Variants in SGPP2 observed in about 807,000 individuals in gnomAD.
SGPP2 encodes sphingosine 1-phosphate phosphohydrolase 2.
A neutral mutation model predicts 33.9 loss-of-function variants in SGPP2; 30 were observed. The ratio of observed to expected loss-of-function variants is 0.89; its 90% CI spans 0.66 to 1.20. The LOEUF is 1.20. Ranked by LOEUF, SGPP2 falls within the 50% of genes most tolerant of loss-of-function variation. SGPP2 has a pLI of 0.00. For synonymous variants in SGPP2, 233 were observed against 225.0 expected (o/e 1.04, Z -0.32); for missense variants, 458 against 532.1 (o/e 0.86, Z 1.37).
intron 4 of SGPP2, among the ~76,000 whole-genome samples, chr2:222,556,416 CT>C (rs1447212305): frequency 6.6e-6 from 1 of 151,330 alleles, no homozygotes; most frequent in Admixed American, 6.6e-5. Context: ...TCAACTCTTC[CT>C]CTGAAAGGCA....
intron 4 of SGPP2, among the ~76,000 whole-genome samples, chr2:222,540,090 T>G (rs566674579): frequency 6.6e-6 from 1 of 152,236 alleles, no homozygotes; most frequent in Non-Finnish European, 1.5e-5. Context: ...GTCTCTTCGG[T>G]CATATAGGAT....
chr2:222,507,707 A>G (rs910591917), intron 2 of SGPP2, among the ~76,000 whole-genome samples: 19 of 152,188 alleles, frequency 1.2e-4, no homozygotes, highest in African/African-American at 4.3e-4. Flanking sequence ...TCCAGATCTC[A>G]GTTCTAATCC....
intron 2 of SGPP2, among the ~76,000 whole-genome samples, chr2:222,491,536 G>C (rs1698197164): frequency 1.3e-5 from 2 of 152,150 alleles, no homozygotes; most frequent in South Asian, 4.1e-4. Context: ...CAGATCTCAT[G>C]AGAACTCACT....
intron 4 of SGPP2, among the ~76,000 whole-genome samples, chr2:222,537,265 G>A (rs1698929502): frequency 6.6e-6 from 1 of 152,160 alleles, no homozygotes; most frequent in African/African-American, 2.4e-5. Context: ...GAAAAGATTA[G>A]AAGAGTTGAC....
chr2:222,434,771 G>C lies in SGPP2; in HGVS notation c.219+9950G>C, dbSNP rs552459144. ...GGGTGTGGTGGTGAATGCACAGGCT[G>C]CTGGGGTAATGTGTCGGCAGCTAAA... On this transcript the variant is annotated intron_variant, in intron 1 of 4. Transcript: ENST00000321276. Among the ~76,000 whole-genome samples the C allele has an allele frequency of 9.2e-5, 14 of 152,194 alleles. 1 individual carries two copies. The East Asian group carries it at 2.7e-3, about 29-fold the overall frequency.
At chr2:222,521,492 T>C (rs1483045866) in intron 2 of SGPP2, among the ~76,000 whole-genome samples, 1 of 149,802 alleles carries the variant, frequency 6.7e-6, no homozygotes, top group East Asian at 1.9e-4. Context: ...GTCCAACACA[T>C]ATATAAGCTA....
In SGPP2 at chr2:222,424,817, C is replaced by A; in HGVS notation, c.215C>A (p.Pro72Gln). Reference sequence around the variant, plus strand: ...AACGGGCTGCGCAGAGCCGCGGCGCCGGAGGTAACCATGGGCAGGTGTTCG... The same window carrying A: ...AACGGGCTGCGCAGAGCCGCGGCGCAGGAGGTAACCATGGGCAGGTGTTCG... ...PANGLRRAAA[P>Q]EAYVQKYVVK... Residue 72 changes from proline to glutamine, a missense_variant, in exon 1 of 5, where the codon CCG becomes CAG. Pro to Gln is a moderately conservative substitution (Grantham distance 76, BLOSUM62 -1). Transcript: ENST00000321276. The A allele has an allele frequency of 7.3e-7, 1 of 1,364,294 alleles. No individual in the cohort carries two copies. The highest frequency in any genetic ancestry group is 9.4e-7 in the Non-Finnish European group (1 of 1,061,050). 84.5% of individuals were successfully genotyped at this position (1,364,294 alleles called of 1,614,324 possible).
At chr2:222,439,208 G>A (rs558349903) in intron 1 of SGPP2, among the ~76,000 whole-genome samples, 1 of 152,222 alleles carries the variant, frequency 6.6e-6, no homozygotes, top group Admixed American at 6.5e-5. Context: ...AAGGCCAGAG[G>A]TCTCCTTGGG....
chr2:222,546,739 A>C (rs1227164267), intron 4 of SGPP2, among the ~76,000 whole-genome samples: 1 of 151,744 alleles, frequency 6.6e-6, no homozygotes, highest in Non-Finnish European at 1.5e-5. Context: ...CTTATGTATT[A>C]CTATATTGGA....
upstream of SGPP2, among the ~76,000 whole-genome samples, chr2:222,424,139 G>A (rs73065610): frequency 7.4e-3 from 1,125 of 152,174 alleles, 11 homozygotes; most frequent in African/African-American, 0.026. Flanking sequence ...TTCACCTTGG[G>A]CTCAGAGTTG....
chr2:222,458,562 G>A (rs1279733227), intron 1 of SGPP2, among the ~76,000 whole-genome samples: 1 of 152,154 alleles, frequency 6.6e-6, no homozygotes, highest in Non-Finnish European at 1.5e-5. Context: ...CTCTACAGGT[G>A]GTCTCTTTTA....
rs141401176 is a variant in SGPP2 at position 222,464,274 on chromosome 2, A to G, written c.220-10294A>G. On this transcript the variant is annotated intron_variant, in intron 1 of 4. Transcript: ENST00000321276. ...CTCTCCCACCCACTTTAAAAATGGC[A>G]GTGGTTATTTCTGTTCTTTGTATCG... is the stretch of plus-strand genomic sequence containing the variant. 3.5e-3 allele frequency among the ~76,000 whole-genome samples: 539 copies of G among 152,322 alleles called. 3 individuals carry two copies. The highest frequency in any genetic ancestry group is 0.012 in the African/African-American group (512 of 41,574).
chr2:222,502,239 A>G (rs1698378892), intron 2 of SGPP2, among the ~76,000 whole-genome samples: 1 of 152,224 alleles, frequency 6.6e-6, no homozygotes, highest in Non-Finnish European at 1.5e-5. Context: ...TATAATTTAG[A>G]TTTAAACCAT....
chr2:222,561,103 A>T lies in SGPP2; in HGVS notation c.*2205A>T, dbSNP rs78425143. ...CTGGGCGACAGAGCGAGACTCTCTC[A>T]AAAAAAAAAAAAAAGAATTTTTAGC... is the stretch of plus-strand genomic sequence containing the variant. On this transcript the variant is annotated 3_prime_UTR_variant, in exon 5 of 5. Coordinates refer to ENST00000321276, the MANE Select transcript of SGPP2 (RefSeq NM_152386.4). Among the ~76,000 whole-genome samples, 9 of 76,194 alleles carry T rather than the reference A, an allele frequency of 1.2e-4. No individual in the cohort carries two copies. The highest frequency in any genetic ancestry group is 4.7e-4 in the South Asian group (1 of 2,134). The allele number at this position is 76,194 out of a possible 152,430, so 50.0% of individuals were successfully genotyped here. A position where few individuals can be genotyped will look rare whatever the true frequency, so the allele number is the denominator to read the frequency against.
intron 2 of SGPP2, among the ~76,000 whole-genome samples, chr2:222,506,436 G>A (rs905763764): frequency 5.9e-5 from 9 of 152,126 alleles, no homozygotes; most frequent in African/African-American, 1.2e-4. Context: ...TGTGATTGCC[G>A]CCATTTCATA....
intron 1 of SGPP2, among the ~76,000 whole-genome samples, chr2:222,436,421 C>T (rs142741708): frequency 6.6e-6 from 1 of 152,136 alleles, no homozygotes; most frequent in African/African-American, 2.4e-5. Flanking sequence ...GACACTGATT[C>T]AGAGCATACA....
intron 1 of SGPP2, among the ~76,000 whole-genome samples, chr2:222,447,175 A>G (rs1697410595): frequency 6.6e-6 from 1 of 152,196 alleles, no homozygotes; most frequent in African/African-American, 2.4e-5. Context: ...CCAGCTAGGA[A>G]CAAGGTGGAG....
Position 222,477,777 on chromosome 2 carries a change from G to T in SGPP2, c.378+3051G>T, listed in dbSNP as rs1259312280. ...GGAAGACCTCTAGACTCTATAGAAG[G>T]CTGTGGCTAGGGGACACTCTCGTTG... On this transcript the variant is annotated intron_variant, in intron 2 of 4. Coordinates refer to ENST00000321276, the MANE Select transcript of SGPP2 (RefSeq NM_152386.4). The surrounding 1 kb of genome is among the most constrained non-coding windows in gnomAD (Gnocchi z 6.0). Among the ~76,000 whole-genome samples, 1 of 152,086 alleles carries T rather than the reference G, an allele frequency of 6.6e-6. No homozygotes were observed. The highest frequency in any genetic ancestry group is 2.4e-5 in the African/African-American group (1 of 41,378).
chr2:222,523,332 T>C, intron 3 of SGPP2, among the ~76,000 whole-genome samples: 1 of 152,220 alleles, frequency 6.6e-6, no homozygotes, highest in Non-Finnish European at 1.5e-5. Flanking sequence ...ATTAACTTAG[T>C]GCAGGCTGCT....
Sources: gnomAD v4.1 joint callset for allele counts (sites outside exome capture counted in the v4.1 genomes callset) on GRCh38, gnomAD v4.1.1 for gene constraint, Gnocchi (gnomAD v3.1) non-coding constraint, MANE v1.5 for transcripts, NCBI Gene and HGNC (gene_info 2026-07-23, HGNC 2026-07-21) for gene names.